The following GREP1 variants were observed in gnomAD, a reference collection of about 807,000 sequenced individuals.
GREP1 encodes the protein glycine rich extracellular protein 1, also known as glycine-rich extracellular protein 1.
At chr16:2,994,809 A>G (rs1257635066) in exon 12 of GREP1, 2 of 398,888 alleles carry the variant, frequency 5.0e-6, no homozygotes, top group East Asian at 3.6e-5. Flanking sequence ...CCACCAGGCT[A>G]TGTGGGGGCC....
exon 13 of GREP1, chr16:2,994,953 G>C: frequency 2.5e-6 from 1 of 399,170 alleles, no homozygotes; most frequent in Non-Finnish European, 4.4e-6. Flanking sequence ...TGGGCTGGGA[G>C]CCCAGCCAGG....
intron 23 of GREP1, 91 bp from the exon 22 acceptor site, chr16:2,998,265 G>A (rs1323364862): frequency 1.3e-5 from 5 of 398,322 alleles, no homozygotes; most frequent in Admixed American, 4.4e-5. Flanking sequence ...GTGAAAAGAC[G>A]GGGCTAGGGG....
chr16:2,998,117 G>C (rs952024201), intron 23 of GREP1, among the ~76,000 whole-genome samples: 4 of 151,988 alleles, frequency 2.6e-5, no homozygotes, highest in Non-Finnish European at 5.9e-5. Context: ...GCCTGGGAGA[G>C]AGCCAGAAAC....
At chr16:3,001,484 G>T in intron 34 of GREP1, 77 bp from the exon 29 acceptor site, 1 of 399,112 alleles carries the variant, frequency 2.5e-6, no homozygotes, top group East Asian at 3.6e-5. Context: ...CAGAAGCTCA[G>T]GTCCCTGGGA....
intron 31 of GREP1, chr16:3,000,473 C>T: frequency 2.5e-6 from 1 of 399,242 alleles, no homozygotes; most frequent in Non-Finnish European, 4.4e-6. Context: ...AATAGTGAGT[C>T]AGACCCAGGG....
intron 14 of GREP1, 72 bp downstream of exon 15, chr16:2,995,388 C>A: frequency 2.5e-6 from 1 of 398,844 alleles, no homozygotes; most frequent in Non-Finnish European, 4.4e-6. Context: ...CCCCCACCTC[C>A]ATCTGTCCCC....
At position 2,991,641 on chromosome 16, in the gene GREP1, G is replaced by A. The variant is rs2151091853; in HGVS notation, c.322+540G>A. The stretch of plus-strand genomic sequence containing the variant: ...CTCCATGCCACACTCACCATGTCCT[G>A]TCCCTCTCTGTCCCCCTCTCGGTCT... On this transcript the variant is annotated intron_variant, in intron 8 of 34. Transcript: ENST00000573315. This position sits in a 1 kb window ranked among gnomAD's most constrained non-coding sequence, Gnocchi z 4.9. 1 of 152,484 alleles carries A rather than the reference G, an allele frequency of 6.6e-6. No homozygotes were observed. Among genetic ancestry groups the A allele is most frequent in the African/African-American group, 2.4e-5 (1 of 41,518 alleles). The allele number at this position is 152,484 out of a possible 1,614,324, so 9.4% of individuals were successfully genotyped here. A position where few individuals can be genotyped will look rare whatever the true frequency, so the allele number is the denominator to read the frequency against.
At chr16:2,999,054 T>C (rs1339757444) in intron 26 of GREP1, 75 bp downstream of exon 24, 2 of 398,790 alleles carry the variant, frequency 5.0e-6, no homozygotes, top group African/African-American at 4.1e-5. Context: ...CTGGCTGCCA[T>C]ATCCCACTCT....
Position 2,990,129 on chromosome 16 carries a change from G to A in GREP1, c.199+7G>A. The A allele has an allele frequency of 5.0e-6, 2 of 399,126 alleles. No individual in the cohort carries two copies. Among genetic ancestry groups the A allele is most frequent in the Non-Finnish European group, 8.8e-6 (2 of 226,120 alleles). The allele number at this position is 399,126 out of a possible 1,614,324, so 24.7% of individuals were successfully genotyped here. On this transcript the variant is annotated splice_region_variant and intron_variant, in intron 5 of 34. Coordinates refer to ENST00000573315, the Ensembl canonical transcript of GREP1. ...GGGCTGGGAACCCAGCCAGGTGAGA[G>A]CCGTGGGGTCCCCTCCTTCCCTCCC...
At position 2,992,717 on chromosome 16, in the gene GREP1, C is replaced by A. The variant is rs554224288; in HGVS notation, c.323-88C>A. On this transcript the variant is annotated intron_variant, in intron 8 of 34. Transcript: ENST00000573315. The surrounding 1 kb of genome is among the most constrained non-coding windows in gnomAD (Gnocchi z 4.9). The stretch of plus-strand genomic sequence containing the variant: ...AGAAAGGCAGAGGGCAGGGGTCACG[C>A]GAGACAGAAAGGGAGAGGGCAGGGC... 2 of 398,124 alleles carry A rather than the reference C, an allele frequency of 5.0e-6. No individual in the cohort carries two copies. The highest frequency in any genetic ancestry group is 4.1e-5 in the African/African-American group (2 of 48,606). 24.7% of individuals were successfully genotyped at this position (398,124 alleles called of 1,614,324 possible).
At chr16:2,995,644 A>T (rs2072420730) in exon 16 of GREP1, 1 of 396,876 alleles carries the variant, frequency 2.5e-6, no homozygotes, top group Non-Finnish European at 4.4e-6. Flanking sequence ...ACCGATTTGG[A>T]TTTGGAGCAG....
rs766512121 is a variant in GREP1 at position 2,992,510 on chromosome 16, G to A, written c.323-295G>A. 76 of 262,786 alleles carry A rather than the reference G, an allele frequency of 2.9e-4. No homozygotes were observed. Among genetic ancestry groups the A allele is most frequent in the Non-Finnish European group, 5.1e-4 (71 of 140,126 alleles). 16.3% of individuals were successfully genotyped at this position (262,786 alleles called of 1,614,324 possible). A position where few individuals can be genotyped will look rare whatever the true frequency, so the allele number is the denominator to read the frequency against. On this transcript the variant is annotated intron_variant, in intron 8 of 34. Coordinates refer to ENST00000573315, the Ensembl canonical transcript of GREP1. The surrounding 1 kb of genome is among the most constrained non-coding windows in gnomAD (Gnocchi z 4.9). Reference sequence around the variant, plus strand: ...CAGGGCCACACTCTGGGTCCCAACAGATGGGCTCTTGGGGGTTCATTCATT... The same window carrying A: ...CAGGGCCACACTCTGGGTCCCAACAAATGGGCTCTTGGGGGTTCATTCATT...
intron 20 of GREP1, 158 bp from the exon 20 acceptor site, chr16:2,996,895 C>G (rs2072427578): frequency 2.5e-6 from 1 of 399,412 alleles, no homozygotes; most frequent in Non-Finnish European, 4.4e-6. Flanking sequence ...CCCCTGCCTC[C>G]CTGTCCCCCA....
intron 34 of GREP1, 40 bp downstream of exon 28, chr16:3,001,374 GC>G (rs1187417527): frequency 2.5e-6 from 1 of 399,100 alleles, no homozygotes; most frequent in Non-Finnish European, 4.4e-6. Flanking sequence ...CTGCCCAAAG[GC>G]CCCCCGTGGT....
At chr16:2,993,598 T>G (rs1329453496) in intron 10 of GREP1, 1 of 151,528 alleles carries the variant, frequency 6.6e-6, no homozygotes, top group East Asian at 1.9e-4. Context: ...GCCCAGGAAG[T>G]CGAGGTAGTA....
chr16:2,997,290 C>T (rs1028476699), intron 21 of GREP1: 5 of 398,618 alleles, frequency 1.3e-5, no homozygotes, highest in Non-Finnish European at 2.2e-5. Context: ...GCGCCAGGAT[C>T]CCTGGTTTCT....
At position 2,992,877 on chromosome 16, in the gene GREP1, T is replaced by A. The variant is rs889904980; in HGVS notation, c.352+43T>A. 2.5e-6 allele frequency: 1 copy of A among 399,058 alleles called. No individual in the cohort carries two copies. The highest frequency in any genetic ancestry group is 4.4e-6 in the Non-Finnish European group (1 of 226,076). 24.7% of individuals were successfully genotyped at this position (399,058 alleles called of 1,614,324 possible). The stretch of plus-strand genomic sequence containing the variant: ...GGAAGCGGGGAGCCTGGGGCTGAGA[T>A]TCTGGGCACAGGCCCAGAGGAAAGG... On this transcript the variant is annotated intron_variant, in intron 9 of 34. Coordinates refer to ENST00000573315, the Ensembl canonical transcript of GREP1. This position sits in a 1 kb window ranked among gnomAD's most constrained non-coding sequence, Gnocchi z 4.9.
chr16:2,998,701 C>G, intron 25 of GREP1, 147 bp from the exon 24 acceptor site: 1 of 398,130 alleles, frequency 2.5e-6, no homozygotes, highest in Non-Finnish European at 4.4e-6. Context: ...GGGCTTTTTC[C>G]AGCCTGGCTA....
chr16:2,991,402 G>A lies in GREP1; in HGVS notation c.322+301G>A. The A allele has an allele frequency of 3.2e-6, 1 of 312,928 alleles. No homozygotes were observed. The highest frequency in any genetic ancestry group is 5.8e-6 in the Non-Finnish European group (1 of 172,096). 19.4% of individuals were successfully genotyped at this position (312,928 alleles called of 1,614,324 possible). A position where few individuals can be genotyped will look rare whatever the true frequency, so the allele number is the denominator to read the frequency against. On this transcript the variant is annotated intron_variant, in intron 8 of 34. Transcript: ENST00000573315. This position sits in a 1 kb window ranked among gnomAD's most constrained non-coding sequence, Gnocchi z 4.9. ...GGATTGGGGAGCAGAAGTGGTTTGG[G>A]CGCTGGCACTCTTCCAGGGGCAGGA...
Sources: gnomAD v4.1 joint callset for allele counts (sites outside exome capture counted in the v4.1 genomes callset) on GRCh38, gnomAD v4.1.1 for gene constraint, Gnocchi (gnomAD v3.1) non-coding constraint, MANE v1.5 for transcripts, NCBI Gene and HGNC (gene_info 2026-07-23, HGNC 2026-07-21) for gene names.